Variants in ADAMTS18 observed in about 807,000 individuals in gnomAD.
The protein encoded by ADAMTS18 is A disintegrin and metalloproteinase with thrombospondin motifs 18.
A neutral mutation model predicts 165.9 loss-of-function variants in ADAMTS18; 157 were observed. That is an observed-to-expected ratio of 0.95 (90% CI 0.83 to 1.08). The LOEUF is 1.08. Ranked by LOEUF, ADAMTS18 falls within the 50% of genes least tolerant of loss-of-function variation. ADAMTS18 has a pLI of 0.00. For missense variants in ADAMTS18, 2,040 were observed against 1,534.0 expected (o/e 1.33, Z -5.51); for synonymous variants, 782 against 578.2 (o/e 1.35, Z -5.06).
chr16:77,342,814 A>G (rs2056418837), intron 10 of ADAMTS18, among the ~76,000 whole-genome samples: 1 of 152,172 alleles, frequency 6.6e-6, no homozygotes, highest in African/African-American at 2.4e-5. Flanking sequence ...TGAAATGGAG[A>G]GGCAGAGACT....
chr16:77,401,754 T>C (rs1397771878), intron 3 of ADAMTS18, among the ~76,000 whole-genome samples: 1 of 152,198 alleles, frequency 6.6e-6, no homozygotes, highest in Non-Finnish European at 1.5e-5. Flanking sequence ...ATCATCTAAT[T>C]TCTTGAGGGT....
At chr16:77,323,400 C>T (rs572890281) in intron 13 of ADAMTS18, among the ~76,000 whole-genome samples, 5 of 152,164 alleles carry the variant, frequency 3.3e-5, no homozygotes, top group East Asian at 1.9e-4. Flanking sequence ...TATGCACATG[C>T]GTGGGTGGGT....
At chr16:77,387,028 C>G (rs1381291272) in intron 3 of ADAMTS18, among the ~76,000 whole-genome samples, 1 of 152,206 alleles carries the variant, frequency 6.6e-6, no homozygotes, top group African/African-American at 2.4e-5. Flanking sequence ...CTGGGGATGA[C>G]AGCAGAGGGC....
At chr16:77,342,166 C>G (rs557716301) in intron 10 of ADAMTS18, among the ~76,000 whole-genome samples, 1 of 152,282 alleles carries the variant, frequency 6.6e-6, no homozygotes, top group African/African-American at 2.4e-5. Flanking sequence ...AGTCTTCATC[C>G]TGAAATGCCT....
intron 3 of ADAMTS18, among the ~76,000 whole-genome samples, chr16:77,404,019 C>G (rs1327693017): frequency 6.9e-6 from 1 of 144,660 alleles, no homozygotes; most frequent in Non-Finnish European, 1.5e-5. Flanking sequence ...CTCCCTCCCT[C>G]CCTCCCTACC....
rs748070325 is a variant in ADAMTS18, at chr16:77,321,221, A to C, written c.2164-19T>G. On this transcript the variant is annotated intron_variant, in intron 14 of 22. Transcript: ENST00000282849. Reference sequence around the variant, plus strand: ...CCACTAGCTGTGACAAAAACAAAAAACGTGAGAAAATAAAAGATCAGAGAA... The same window carrying C: ...CCACTAGCTGTGACAAAAACAAAAACCGTGAGAAAATAAAAGATCAGAGAA... 13 of 1,613,904 alleles carry C rather than the reference A, an allele frequency of 8.1e-6. No homozygotes were observed. The Admixed American group carries it at 2.0e-4, about 25-fold the overall frequency.
At chr16:77,386,304 G>C (rs2057107058) in intron 3 of ADAMTS18, among the ~76,000 whole-genome samples, 1 of 152,042 alleles carries the variant, frequency 6.6e-6, no homozygotes, top group Non-Finnish European at 1.5e-5. Flanking sequence ...TACCCAACTT[G>C]GACTTTAGGA....
chr16:77,359,983 T>C (rs891137), intron 7 of ADAMTS18, among the ~76,000 whole-genome samples: 126,343 of 152,166 alleles, frequency 0.83, 52,783 homozygotes, highest in East Asian at 0.91. Context: ...CCAAAGTTAC[T>C]TCCCTCTAAG....
chr16:77,289,180 C>T (rs1267119193), intron 22 of ADAMTS18, 84 bp downstream of exon 22: 8 of 1,537,144 alleles, frequency 5.2e-6, no homozygotes, highest in Admixed American at 5.0e-5. Flanking sequence ...TGTACAATGT[C>T]ACAGGCTGCA....
intron 10 of ADAMTS18, among the ~76,000 whole-genome samples, chr16:77,345,888 C>T (rs968895364): frequency 3.9e-5 from 6 of 152,168 alleles, no homozygotes; most frequent in African/African-American, 1.4e-4. Context: ...GTCAATTCAT[C>T]ACGAGAAAAA....
chr16:77,404,167 A>T (rs2057366143), intron 3 of ADAMTS18, among the ~76,000 whole-genome samples: 1 of 152,158 alleles, frequency 6.6e-6, no homozygotes, highest in Non-Finnish European at 1.5e-5. Flanking sequence ...GAGGAAGAGG[A>T]GGAGGTGGAG....
chr16:77,316,513 G>A (rs2055890180), intron 16 of ADAMTS18, among the ~76,000 whole-genome samples: 1 of 152,088 alleles, frequency 6.6e-6, no homozygotes, highest in Non-Finnish European at 1.5e-5. Flanking sequence ...GTTGTTAATG[G>A]GATGAAATCC....
chr16:77,343,570 T>C (rs1947356202), intron 10 of ADAMTS18, among the ~76,000 whole-genome samples: 1 of 152,212 alleles, frequency 6.6e-6, no homozygotes, highest in African/African-American at 2.4e-5. Flanking sequence ...TCTGATGCTG[T>C]TGAACTTTTA....
In ADAMTS18 at chr16:77,289,261, T is replaced by C. The variant is rs2055315454; in HGVS notation, c.3550+3A>G. 6.2e-7 allele frequency: 1 copy of C among 1,614,146 alleles called. No homozygotes were observed. The highest frequency in any genetic ancestry group is 2.2e-5 in the East Asian group (1 of 44,880). On this transcript the variant is annotated splice_donor_region_variant and intron_variant, in intron 22 of 22. Coordinates refer to ENST00000282849, the MANE Select transcript of ADAMTS18 (RefSeq NM_199355.4). ...AGTTGACTGGAGCATGGTGCCTTTT[T>C]ACCTCTCTTTTCAGGAGCTGGACAG...
rs1597232449 is a variant in ADAMTS18, at chr16:77,403,994, A to G, written c.495+27301T>C. Among the ~76,000 whole-genome samples, 3 of 119,806 alleles carry G rather than the reference A, an allele frequency of 2.5e-5. No individual in the cohort carries two copies. In the South Asian group the frequency reaches 8.3e-4, roughly 33 times the overall value. 78.6% of individuals were successfully genotyped at this position (119,806 alleles called of 152,430 possible). A position where few individuals can be genotyped will look rare whatever the true frequency, so the allele number is the denominator to read the frequency against. ...TGGAGTTTTAAACTGGAAGCAACCC[A>G]CCCTTCCTCCCTCCCTCCCTCCCTC... On this transcript the variant is annotated intron_variant, in intron 3 of 22. Coordinates refer to ENST00000282849, the MANE Select transcript of ADAMTS18 (RefSeq NM_199355.4).
At chr16:77,398,935 G>T (rs7202985) in intron 3 of ADAMTS18, among the ~76,000 whole-genome samples, 2,417 of 152,200 alleles carry the variant, frequency 0.016, 66 homozygotes, top group African/African-American at 0.056. Context: ...GCTGCTGCAG[G>T]GAGATGTTGA....
At chr16:77,315,959 C>G (rs2055879599) in intron 16 of ADAMTS18, among the ~76,000 whole-genome samples, 1 of 152,162 alleles carries the variant, frequency 6.6e-6, no homozygotes, top group Admixed American at 6.5e-5. Context: ...AAACCTGTTT[C>G]CAGTCATCCT....
chr16:77,380,579 C>T (rs1338610342), intron 3 of ADAMTS18, among the ~76,000 whole-genome samples: 1 of 152,228 alleles, frequency 6.6e-6, no homozygotes, highest in Non-Finnish European at 1.5e-5. Context: ...ATATTCTTAA[C>T]ATCTACTGCA....
intron 16 of ADAMTS18, among the ~76,000 whole-genome samples, chr16:77,304,222 G>A (rs1330222650): frequency 6.6e-6 from 1 of 152,200 alleles, no homozygotes; most frequent in African/African-American, 2.4e-5. Context: ...ACTTTGGGAA[G>A]CTGAGGCAGT....
Sources: allele counts gnomAD v4.1 joint callset (sites outside exome capture counted in the v4.1 genomes callset), GRCh38; gene constraint gnomAD v4.1.1; transcripts MANE v1.5; gene names NCBI Gene and HGNC (gene_info 2026-07-23, HGNC 2026-07-21).